The following PBDC1 variants were observed in gnomAD, a reference collection of about 807,000 sequenced individuals.
The protein encoded by PBDC1 is polysaccharide biosynthesis domain containing 1.
A neutral mutation model predicts 12.0 loss-of-function variants in PBDC1; 3 were observed. That is an observed-to-expected ratio of 0.25 (90% CI 0.11 to 0.64). PBDC1 has a LOEUF of 0.64. PBDC1 is among the 30% of genes least tolerant of loss of function. PBDC1 has a pLI of 0.84. For synonymous variants in PBDC1, 64 were observed against 56.4 expected, an observed-to-expected ratio of 1.13 and a Z score of -0.60; for missense variants, 162 against 168.1, an observed-to-expected ratio of 0.96 and a Z score of 0.20.
intron 1 of PBDC1, 78 bp downstream of exon 1, chrX:76,173,246 G>T: frequency 1.1e-6 from 1 of 932,465 alleles, no homozygotes; most frequent in Non-Finnish European, 1.5e-6. Flanking sequence ...TTTGAGACAA[G>T]GTGTCACTCA....
At position 76,178,043 on chromosome X, in the gene PBDC1, A is replaced by G; in HGVS notation, c.*135A>G. ...AGGATACGCAGAAGGACATCTTTCT[A>G]GTCTAACAGTCAGGAGCTGCTCTGG... On this transcript the variant is annotated 3_prime_UTR_variant, in exon 6 of 6. Coordinates refer to ENST00000373358, the MANE Select transcript of PBDC1 (RefSeq NM_016500.5). 9.1e-7 allele frequency: 1 copy of G among 1,093,444 alleles called. No individual in the cohort carries two copies. The highest frequency in any genetic ancestry group is 1.2e-6 in the Non-Finnish European group (1 of 819,055). 90.1% of individuals were successfully genotyped at this position (1,093,444 alleles called of 1,213,427 possible). A position where few individuals can be genotyped will look rare whatever the true frequency, so the allele number is the denominator to read the frequency against.
chrX:76,174,949 G>T lies in PBDC1; in HGVS notation c.156G>T (p.Lys52Asn). 1 of 1,180,579 alleles carries T rather than the reference G, an allele frequency of 8.5e-7. No homozygotes were observed. The highest frequency in any genetic ancestry group is 1.2e-6 in the Non-Finnish European group (1 of 867,861). Reference sequence around the variant, plus strand: ...TGCAGCATGCTGAAGTCTATTACAAGGTGAGTTGTCTTTCTTCATCATTAA... The same window carrying T: ...TGCAGCATGCTGAAGTCTATTACAATGTGAGTTGTCTTTCTTCATCATTAA... ...RAMQHAEVYY[K>N]LISSVDPQFL... Residue 52 changes from lysine (K) to asparagine (N), a missense_variant and splice_region_variant, in exon 3 of 6, where the codon AAG (lysine) becomes AAT (asparagine). This residue lies in a region of PBDC1 where 21 missense variants were observed against 43.4 expected (regional missense o/e 0.48). Transcript: ENST00000373358.
At chrX:76,176,018 T>C (rs781868747) in intron 4 of PBDC1, among the ~76,000 whole-genome samples, 1 of 112,329 alleles carries the variant, frequency 8.9e-6, no homozygotes, top group Non-Finnish European at 1.9e-5. Flanking sequence ...TCATTGCTTA[T>C]GTGATTATCC....
In PBDC1 at chrX:76,178,129, G is replaced by A; in HGVS notation, c.*221G>A. On this transcript the variant is annotated 3_prime_UTR_variant, in exon 6 of 6. Transcript: ENST00000373358. ...GTGGGGTGTTAGTTGATTTTTCCTG[G>A]TATACTGTTTCTTGGCTGACACTAC... 1 of 503,126 alleles carries A rather than the reference G, an allele frequency of 2.0e-6. No homozygotes were observed. 41.5% of individuals were successfully genotyped at this position (503,126 alleles called of 1,213,427 possible).
At chrX:76,176,748 G>A (rs1924803050) in intron 4 of PBDC1, 133 bp from the exon 5 acceptor site, 1 of 453,015 alleles carries the variant, frequency 2.2e-6, no homozygotes, top group African/African-American at 2.4e-5. Flanking sequence ...GTTTCACTGT[G>A]AAACCAACAA....
Position 76,173,594 on chromosome X carries a change from G to A in PBDC1, c.40G>A (p.Glu14Lys), listed in dbSNP as rs1219444965. Residue 14 changes from glutamate to lysine, a missense_variant, in exon 2 of 6, where the codon GAG (glutamate) becomes AAG (lysine). Glu to Lys is a moderately conservative substitution (Grantham distance 56). Around this residue, in one of 3 missense-constraint regions of PBDC1, gnomAD observed 41 missense variants for 28.5 expected, o/e 1.44. Coordinates refer to ENST00000373358, the MANE Select transcript of PBDC1 (RefSeq NM_016500.5). ...TTTTCCTCCTTTCTAGGTTTCCGGG[G>A]AGTTGGTGTCTGTGGCACATGCGCT... is the stretch of plus-strand genomic sequence containing the variant. ...TSGTDEPVSG[E>K]LVSVAHALSL... 4 of 1,194,229 alleles carry A rather than the reference G, an allele frequency of 3.3e-6. No homozygotes were observed. The highest frequency in any genetic ancestry group is 4.5e-6 in the Non-Finnish European group (4 of 887,213).
At position 76,178,287 on chromosome X, in the gene PBDC1, A is replaced by G; in HGVS notation, c.*379A>G. The G allele has an allele frequency of 4.4e-6, 1 of 227,075 alleles. No homozygotes were observed. Among genetic ancestry groups the G allele is most frequent in the Non-Finnish European group, 7.9e-6 (1 of 126,190 alleles). 18.7% of individuals were successfully genotyped at this position (227,075 alleles called of 1,213,427 possible). ...ATCTCATCACCATGTCTTATATAAG[A>G]TAATTTACTCCTGTTTCTTACTGCT... On this transcript the variant is annotated 3_prime_UTR_variant, in exon 6 of 6. Coordinates refer to ENST00000373358, the MANE Select transcript of PBDC1 (RefSeq NM_016500.5).
rs1556797026 is a variant in PBDC1 at position 76,176,958 on chromosome X, T to C, written c.375T>C (p.Cys125=). ...ATGGTACTTTGCTGCGACTAGATTG[T>C]TCTCAGGGCTACACTGAGGAAAACA... The part of the protein sequence containing the change: ...FNYGTLLRLD[C]SQGYTEENTI... The change falls in exon 5 of 6, where the codon TGT becomes TGC. Residue 125 remains cysteine, a synonymous_variant. Coordinates refer to ENST00000373358, the MANE Select transcript of PBDC1 (RefSeq NM_016500.5). 2 of 1,200,977 alleles carry C rather than the reference T, an allele frequency of 1.7e-6. No individual in the cohort carries two copies. The highest frequency in any genetic ancestry group is 2.3e-6 in the Non-Finnish European group (2 of 886,216).
chrX:76,175,991 T>G, intron 4 of PBDC1, among the ~76,000 whole-genome samples: 1 of 111,744 alleles, frequency 8.9e-6, no homozygotes, highest in South Asian at 3.8e-4. Context: ...CATGGGTAAC[T>G]GGAAAACTTT....
At position 76,176,914 on chromosome X, in the gene PBDC1, A is replaced by G. The variant is rs1321060172; in HGVS notation, c.331A>G (p.Ile111Val). Residue 111 changes from isoleucine to valine, a missense_variant, in exon 5 of 6, where the codon ATT becomes GTT. Transcript: ENST00000373358. ...GCCATTCTGCTTGAAGTTTAATGGGATTGTTGAAGACTTCAACTATGGTAC... is the reference window on the plus strand; with the variant it reads ...GCCATTCTGCTTGAAGTTTAATGGGGTTGTTGAAGACTTCAACTATGGTAC... ...WRPFCLKFNG[I>V]VEDFNYGTLL... 3 of 1,204,266 alleles carry G rather than the reference A, an allele frequency of 2.5e-6. No homozygotes were observed. Among genetic ancestry groups the G allele is most frequent in the Non-Finnish European group, 3.4e-6 (3 of 891,696 alleles).
At chrX:76,177,514 G>A (rs1239177843) in intron 5 of PBDC1, 102 bp from the exon 6 acceptor site, 2 of 749,943 alleles carry the variant, frequency 2.7e-6, no homozygotes, top group Admixed American at 6.9e-5. Context: ...TTGTGCCACT[G>A]CAGTCCAGCC....
At chrX:76,177,508 G>A in intron 5 of PBDC1, 108 bp from the exon 6 acceptor site, 2 of 682,880 alleles carry the variant, frequency 2.9e-6, no homozygotes, top group Non-Finnish European at 4.4e-6. Flanking sequence ...CTGTGATTGT[G>A]CCACTGCAGT....
intron 4 of PBDC1, among the ~76,000 whole-genome samples, chrX:76,176,418 G>T (rs1330298777): frequency 9.0e-6 from 1 of 111,580 alleles, no homozygotes; most frequent in Admixed American, 9.5e-5. Flanking sequence ...GTCTTTCAAA[G>T]TGCTGGGATT....
At chrX:76,176,272 G>C (rs1401918804) in intron 4 of PBDC1, among the ~76,000 whole-genome samples, 1 of 109,857 alleles carries the variant, frequency 9.1e-6, no homozygotes, top group African/African-American at 3.3e-5. Context: ...TCCTGCTTCA[G>C]CCTCCCTAGT....
intron 4 of PBDC1, 105 bp downstream of exon 4, chrX:76,175,718 A>G: frequency 1.8e-6 from 1 of 568,613 alleles, no homozygotes; most frequent in Non-Finnish European, 2.7e-6. Flanking sequence ...AAAAATATGT[A>G]AAGAACCAGA....
chrX:76,176,090 A>C lies in PBDC1; in HGVS notation c.297+477A>C, dbSNP rs180933664. On this transcript the variant is annotated intron_variant, in intron 4 of 5. Transcript: ENST00000373358. ...GAAAAAAATGTTTTCCTTGAGAGTA[A>C]ACCCTTGGCTAATGAAGAATCTAAA... 5.4e-5 allele frequency among the ~76,000 whole-genome samples: 6 copies of C among 111,576 alleles called. No individual in the cohort carries two copies. The East Asian group carries it at 1.7e-3, about 31-fold the overall frequency.
At chrX:76,173,998 G>A (rs1241754920) in intron 2 of PBDC1, among the ~76,000 whole-genome samples, 1 of 112,291 alleles carries the variant, frequency 8.9e-6, no homozygotes, top group African/African-American at 3.2e-5. Context: ...CCATTGTGCA[G>A]CTTATGGTGT....
Position 76,177,946 on chromosome X carries a change from A to G in PBDC1, c.*38A>G, listed in dbSNP as rs1556797150. On this transcript the variant is annotated 3_prime_UTR_variant, in exon 6 of 6. Transcript: ENST00000373358. ...ACAGCACTCTAGAAGCTATGACTCA[A>G]TTGAGACTACAAGTACCACGGTGCT... The G allele has an allele frequency of 2.5e-6, 3 of 1,202,438 alleles. No homozygotes were observed. Among genetic ancestry groups the G allele is most frequent in the Admixed American group, 2.3e-5 (1 of 44,110 alleles).
chrX:76,174,865 C>A, intron 2 of PBDC1, 25 bp from the exon 3 acceptor site: 1 of 1,185,319 alleles, frequency 8.4e-7, no homozygotes, highest in Non-Finnish European at 1.1e-6. Context: ...AGATTTATGA[C>A]CTGGCATTCT....
Sources: gnomAD v4.1 joint callset for allele counts (sites outside exome capture counted in the v4.1 genomes callset) on GRCh38, gnomAD v4.1.1 for gene constraint, gnomAD v4.1.1 regional missense constraint, MANE v1.5 for transcripts, NCBI Gene and HGNC (gene_info 2026-07-23, HGNC 2026-07-21) for gene names.